CEP128: variants seen among roughly 807,000 people sequenced by gnomAD.
CEP128 encodes centrosomal protein 128kDa.
CEP128 carries 132 observed loss-of-function variants against 156.7 expected under a neutral mutation model. The observed-to-expected ratio is 0.84, with a 90% CI of 0.73 to 0.97. CEP128 has a LOEUF of 0.97. Among genes scored for constraint, CEP128 ranks in the 50% least tolerant of loss-of-function variants. CEP128 has a pLI of 0.00. For synonymous variants in CEP128, 469 were observed against 448.9 expected, an observed-to-expected ratio of 1.04 and a Z score of -0.57; for missense variants, 1,252 against 1,281.9, an observed-to-expected ratio of 0.98 and a Z score of 0.36.
At chr14:80,634,641 C>G (rs1031141324) in intron 19 of CEP128, among the ~76,000 whole-genome samples, 4 of 152,120 alleles carry the variant, frequency 2.6e-5, no homozygotes, top group African/African-American at 7.2e-5. Context: ...TTCCCAACTT[C>G]TAATTTGGAG....
intron 17 of CEP128, among the ~76,000 whole-genome samples, chr14:80,759,660 C>T (rs1043682406): frequency 4.6e-5 from 7 of 151,968 alleles, no homozygotes; most frequent in African/African-American, 1.7e-4. Context: ...ATCTATTTTC[C>T]ACCCAAGACT....
intron 8 of CEP128, 150 bp downstream of exon 8, chr14:80,895,568 C>A: frequency 2.2e-6 from 1 of 464,104 alleles, no homozygotes; most frequent in Non-Finnish European, 3.8e-6. Context: ...AATTCATGAA[C>A]ATTTTATAAG....
At chr14:80,556,952 A>G (rs1234438020) in intron 21 of CEP128, among the ~76,000 whole-genome samples, 1 of 152,316 alleles carries the variant, frequency 6.6e-6, no homozygotes, top group East Asian at 1.9e-4. Context: ...ATGAAATCAA[A>G]GGACTTCATA....
chr14:80,703,747 G>T (rs1290600428), intron 19 of CEP128, among the ~76,000 whole-genome samples: 1 of 151,868 alleles, frequency 6.6e-6, no homozygotes, highest in Non-Finnish European at 1.5e-5. Context: ...CAATCCACTG[G>T]CATTATCTGA....
intron 13 of CEP128, among the ~76,000 whole-genome samples, chr14:80,807,327 TA>T (rs1884238793): frequency 1.3e-5 from 2 of 152,222 alleles, no homozygotes; most frequent in Admixed American, 1.3e-4. Flanking sequence ...TAAAATTAAC[TA>T]TTAAAGTTAA....
chr14:80,499,168 T>C (rs1180416358), intron 24 of CEP128, among the ~76,000 whole-genome samples: 1 of 152,190 alleles, frequency 6.6e-6, no homozygotes, highest in Non-Finnish European at 1.5e-5. Flanking sequence ...TTCATTGCCA[T>C]TAATCTTTGG....
intron 19 of CEP128, among the ~76,000 whole-genome samples, chr14:80,674,316 G>A (rs1204487820): frequency 1.3e-5 from 2 of 152,010 alleles, no homozygotes; most frequent in Admixed American, 1.3e-4. Flanking sequence ...AAATATTCCT[G>A]CAAGTATTCA....
At chr14:80,483,883 T>C (rs889739173) in intron 14 of CEP128, among the ~76,000 whole-genome samples, 1 of 152,242 alleles carries the variant, frequency 6.6e-6, no homozygotes, top group Non-Finnish European at 1.5e-5. Context: ...ATGTAGCTTT[T>C]AAAGCTTCTG....
chr14:80,768,398 A>G (rs1182128433), intron 16 of CEP128, among the ~76,000 whole-genome samples: 1 of 152,198 alleles, frequency 6.6e-6, no homozygotes, highest in Non-Finnish European at 1.5e-5. Context: ...TGAGAGAATG[A>G]GCTGATTCTT....
In CEP128 at chr14:80,777,887, C is replaced by T. The variant is rs1447803496; in HGVS notation, c.2371G>A (p.Glu791Lys). ...GAATTCACTCATATTTTTACCCTTT[C>T]TTCTAGTTGATCCTTCAAACATTGA... ...KYQCLKDQLE[E>K]REKHISIEEE... The change falls in exon 16 of 25, where the codon GAA becomes AAA. Residue 791 changes from glutamate (E) to lysine (K), a missense_variant. Transcript: ENST00000555265. 1 of 1,597,158 alleles carries T rather than the reference C, an allele frequency of 6.3e-7. No homozygotes were observed. Among genetic ancestry groups the T allele is most frequent in the African/African-American group, 1.3e-5 (1 of 74,604 alleles).
At position 80,559,278 on chromosome 14, in the gene CEP128, C is replaced by A; in HGVS notation, c.2880+1G>T. 2 of 1,604,706 alleles carry A rather than the reference C, an allele frequency of 1.2e-6. No individual in the cohort carries two copies. Among genetic ancestry groups the A allele is most frequent in the Non-Finnish European group, 1.7e-6 (2 of 1,175,836 alleles). ...AGGAGAAAGAAAATGCCCCAACTTACCGTTTCTAATGCAATTACACGGTCC... is the reference window on the plus strand; with the variant it reads ...AGGAGAAAGAAAATGCCCCAACTTAACGTTTCTAATGCAATTACACGGTCC... On this transcript the variant is annotated splice_donor_variant, in intron 21 of 24. Coordinates refer to ENST00000555265, the MANE Select transcript of CEP128 (RefSeq NM_152446.5). LOFTEE classifies it high-confidence loss of function.
rs57636757 is a variant in CEP128 at position 80,677,508 on chromosome 14, C to CAAAA, written c.2806+65563_2806+65566dup. ...TGGGCGACACAGCAAGACTCCGTCTCAAAAAAAAAAAAAAAAAAATTAGAA... is the reference window on the plus strand; with the variant it reads ...TGGGCGACACAGCAAGACTCCGTCTCAAAAAAAAAAAAAAAAAAAAAAATTAGAA... On this transcript the variant is annotated intron_variant, in intron 19 of 24. Transcript: ENST00000555265. Among the ~76,000 whole-genome samples, 137 of 94,040 alleles carry CAAAA rather than the reference C, an allele frequency of 1.5e-3. 7 individuals carry two copies. Among genetic ancestry groups the CAAAA allele is most frequent in the African/African-American group, 4.4e-3 (124 of 28,136 alleles). 61.7% of individuals were successfully genotyped at this position (94,040 alleles called of 152,430 possible). A position where few individuals can be genotyped will look rare whatever the true frequency, so the allele number is the denominator to read the frequency against.
intron 19 of CEP128, among the ~76,000 whole-genome samples, chr14:80,588,730 T>C (rs1891923145): frequency 6.6e-6 from 1 of 152,146 alleles, no homozygotes; most frequent in African/African-American, 2.4e-5. Flanking sequence ...AGTGTTTGCA[T>C]CTTACAAATC....
intron 12 of CEP128, among the ~76,000 whole-genome samples, chr14:80,832,707 G>C (rs1885871329): frequency 6.6e-6 from 1 of 152,074 alleles, no homozygotes; most frequent in Admixed American, 6.6e-5. Flanking sequence ...GTGTTTTTAG[G>C]GAAAGCACAT....
chr14:80,538,176 A>C (rs773474419), intron 21 of CEP128, among the ~76,000 whole-genome samples: 1 of 152,090 alleles, frequency 6.6e-6, no homozygotes, highest in African/African-American at 2.4e-5. Flanking sequence ...TGAATCTCTG[A>C]GGTACCATCA....
At chr14:80,852,841 C>T (rs1886961194) in intron 9 of CEP128, among the ~76,000 whole-genome samples, 1 of 151,618 alleles carries the variant, frequency 6.6e-6, no homozygotes, top group Admixed American at 6.6e-5. Flanking sequence ...GCTTCTAAAA[C>T]CAAAAACGTC....
chr14:80,543,615 T>C (rs1889859945), intron 21 of CEP128, among the ~76,000 whole-genome samples: 1 of 152,156 alleles, frequency 6.6e-6, no homozygotes, highest in Non-Finnish European at 1.5e-5. Flanking sequence ...GTGGATACAA[T>C]ACAGCTGACA....
intron 2 of CEP128, among the ~76,000 whole-genome samples, chr14:80,928,265 C>T (rs1053571239): frequency 6.6e-6 from 1 of 152,180 alleles, no homozygotes; most frequent in Non-Finnish European, 1.5e-5. Context: ...ATCACACTAA[C>T]TCTCCAGCAA....
intron 2 of CEP128, among the ~76,000 whole-genome samples, chr14:80,949,659 A>C (rs1398854997): frequency 6.6e-6 from 1 of 152,150 alleles, no homozygotes; most frequent in African/African-American, 2.4e-5. Context: ...AGTCCCACCT[A>C]ATAAAGCTTA....
Sources: allele counts gnomAD v4.1 joint callset (sites outside exome capture counted in the v4.1 genomes callset), GRCh38; gene constraint gnomAD v4.1.1; transcripts MANE v1.5; gene names NCBI Gene and HGNC (gene_info 2026-07-23, HGNC 2026-07-21).